IGSF21: variants seen among roughly 807,000 people sequenced by gnomAD.
IGSF21 encodes immunoglobulin superfamily member 21.
A neutral mutation model predicts 46.8 loss-of-function variants in IGSF21; 28 were observed. The ratio of observed to expected loss-of-function variants is 0.60; its 90% CI spans 0.44 to 0.82. The LOEUF (loss-of-function observed/expected upper bound fraction) is 0.82, where lower values mean the gene tolerates loss of function less well. Ranked by LOEUF, IGSF21 falls within the 40% of genes least tolerant of loss-of-function variation. The probability of loss-of-function intolerance (pLI) is 0.00; values close to 1 mark genes in which losing one functional copy is unlikely to be tolerated. For missense variants in IGSF21, 624 were observed against 665.5 expected (o/e 0.94, Z 0.69); for synonymous variants, 284 against 273.6 (o/e 1.04, Z -0.38).
intron 4 of IGSF21, among the ~76,000 whole-genome samples, chr1:18,352,457 G>A (rs1260908184): frequency 1.3e-5 from 2 of 152,158 alleles, no homozygotes; most frequent in Non-Finnish European, 1.5e-5. Flanking sequence ...AAGGATTTGC[G>A]TTTCTAATAA....
At position 18,229,202 on chromosome 1, in the gene IGSF21, G is replaced by T. The variant is rs138414222; in HGVS notation, c.183+1192G>T. ...ACAGTTAGGTGGAGCTGTTCTGGAGGAAGTGATGGAGCATGGAAGAGAGGG... is the reference window on the plus strand; with the variant it reads ...ACAGTTAGGTGGAGCTGTTCTGGAGTAAGTGATGGAGCATGGAAGAGAGGG... On this transcript the variant is annotated intron_variant, in intron 2 of 9. Coordinates refer to ENST00000251296, the MANE Select transcript of IGSF21 (RefSeq NM_032880.5). Among the ~76,000 whole-genome samples the T allele has an allele frequency of 1.7e-4, 26 of 152,218 alleles. No individual in the cohort carries two copies. In the East Asian group the frequency reaches 3.1e-3, roughly 18 times the overall value.
chr1:18,223,728 C>T (rs1452844911), intron 1 of IGSF21, among the ~76,000 whole-genome samples: 2 of 152,148 alleles, frequency 1.3e-5, no homozygotes, highest in Admixed American at 1.3e-4. Flanking sequence ...TACTCATGGT[C>T]GTGGCATCGT....
chr1:18,359,287 A>AC (rs35470466), intron 4 of IGSF21, among the ~76,000 whole-genome samples: 4 of 68,856 alleles, frequency 5.8e-5, no homozygotes, highest in East Asian at 3.7e-4. Context: ...CAAAAAACAC[A>AC]AAAAAAAAAG....
intron 3 of IGSF21, among the ~76,000 whole-genome samples, chr1:18,315,547 T>TGATGGATGGATGGATG (rs34398523): frequency 0.2 from 29,220 of 149,160 alleles, 3,138 homozygotes; most frequent in Non-Finnish European, 0.22. Context: ...AGTGGATGGA[T>TGATGGATGGATGGATG]GATGGATGGA....
At chr1:18,241,332 G>A in intron 2 of IGSF21, among the ~76,000 whole-genome samples, 1 of 152,132 alleles carries the variant, frequency 6.6e-6, no homozygotes, top group East Asian at 1.9e-4. Context: ...GCCCCTCGAG[G>A]CTCCTCTCCC....
Position 18,219,897 on chromosome 1 carries a change from C to A in IGSF21, c.71-8001C>A, listed in dbSNP as rs1249277397. Among the ~76,000 whole-genome samples the A allele has an allele frequency of 9.8e-5, 15 of 152,314 alleles. No individual in the cohort carries two copies. The South Asian group carries it at 2.7e-3, about 27-fold the overall frequency. ...TTGTGAGATAGCATGAAGAACCACA[C>A]CCTCATCTGCTGCAAGCTCCTTTGT... On this transcript the variant is annotated intron_variant, in intron 1 of 9. Transcript: ENST00000251296.
At chr1:18,205,119 G>A (rs2087112875) in intron 1 of IGSF21, among the ~76,000 whole-genome samples, 1 of 151,342 alleles carries the variant, frequency 6.6e-6, no homozygotes, top group African/African-American at 2.4e-5. Context: ...AGGAATGGGG[G>A]AGAGAAGAAA....
chr1:18,298,953 A>G (rs1384305551), intron 3 of IGSF21, among the ~76,000 whole-genome samples: 2 of 152,230 alleles, frequency 1.3e-5, no homozygotes, highest in Non-Finnish European at 2.9e-5. Context: ...TGGAATGAAA[A>G]GAGAGAAAGG....
rs35019096 is a variant in IGSF21 at position 18,367,603 on chromosome 1, C to CTTT, written c.1015+1926_1015+1928dup. 5.8e-3 allele frequency among the ~76,000 whole-genome samples: 427 copies of CTTT among 73,932 alleles called. 10 individuals carry two copies. Among genetic ancestry groups the CTTT allele is most frequent in the African/African-American group, 7.1e-3 (144 of 20,410 alleles). The allele number at this position is 73,932 out of a possible 152,430, so 48.5% of individuals were successfully genotyped here. A position where few individuals can be genotyped will look rare whatever the true frequency, so the allele number is the denominator to read the frequency against. On this transcript the variant is annotated intron_variant, in intron 6 of 9. Transcript: ENST00000251296. Reference sequence around the variant, plus strand: ...GACCTTTGATATTCTCTCTCTCTCTCTTTTTTTTTTTTTTTTTTTTTTGAC... The same window carrying CTTT: ...GACCTTTGATATTCTCTCTCTCTCTCTTTTTTTTTTTTTTTTTTTTTTTTTGAC...
At chr1:18,114,222 TC>T (rs2086166820) in intron 1 of IGSF21, 1 of 152,118 alleles carries the variant, frequency 6.6e-6, no homozygotes, top group Non-Finnish European at 1.5e-5. Flanking sequence ...CTCAAGTTGT[TC>T]CCCGCTAGTA....
intron 2 of IGSF21, among the ~76,000 whole-genome samples, chr1:18,236,854 G>T (rs1191207756): frequency 6.6e-6 from 1 of 152,192 alleles, no homozygotes; most frequent in Non-Finnish European, 1.5e-5. Context: ...CATGAACTTG[G>T]TAACATATGG....
At chr1:18,270,054 C>T (rs541569470) in intron 2 of IGSF21, among the ~76,000 whole-genome samples, 169 of 152,304 alleles carry the variant, frequency 1.1e-3, no homozygotes, top group African/African-American at 4.0e-3. Context: ...TTCTCAAGGA[C>T]CCCGGGCCCC....
At chr1:18,212,274 C>T (rs961404749) in intron 1 of IGSF21, among the ~76,000 whole-genome samples, 4 of 152,212 alleles carry the variant, frequency 2.6e-5, no homozygotes, top group African/African-American at 7.2e-5. Context: ...AGAACAGTGG[C>T]GTGACTTATT....
chr1:18,165,378 A>G (rs1405354442), intron 1 of IGSF21, among the ~76,000 whole-genome samples: 2 of 152,060 alleles, frequency 1.3e-5, no homozygotes, highest in Non-Finnish European at 2.9e-5. Context: ...TGTGCATGGC[A>G]ATTTCTGGTG....
intron 1 of IGSF21, among the ~76,000 whole-genome samples, chr1:18,132,359 C>T (rs994196319): frequency 6.6e-6 from 1 of 152,204 alleles, no homozygotes; most frequent in African/African-American, 2.4e-5. Flanking sequence ...TAGGGCCCTG[C>T]CTGACTCATT....
chr1:18,116,340 G>A (rs1216313305), intron 1 of IGSF21, among the ~76,000 whole-genome samples: 1 of 152,148 alleles, frequency 6.6e-6, no homozygotes, highest in Non-Finnish European at 1.5e-5. Flanking sequence ...TGCGGTTAAT[G>A]TGCTTTGGTT....
intron 6 of IGSF21, among the ~76,000 whole-genome samples, chr1:18,372,572 G>A (rs867693208): frequency 6.6e-6 from 1 of 151,036 alleles, no homozygotes; most frequent in South Asian, 2.1e-4. Flanking sequence ...ATGGATGGAT[G>A]GATATTTGGA....
At chr1:18,239,101 A>G (rs2084700562) in intron 2 of IGSF21, among the ~76,000 whole-genome samples, 1 of 152,150 alleles carries the variant, frequency 6.6e-6, no homozygotes, top group Admixed American at 6.5e-5. Flanking sequence ...CTCCGAGCAC[A>G]TGGAATCCGG....
intron 4 of IGSF21, among the ~76,000 whole-genome samples, chr1:18,355,921 C>T (rs765661589): frequency 6.6e-6 from 1 of 150,776 alleles, no homozygotes. Context: ...CTGCAACCTC[C>T]GCCTTCCGGG....
Sources: gnomAD v4.1 joint callset for allele counts (sites outside exome capture counted in the v4.1 genomes callset) on GRCh38, gnomAD v4.1.1 for gene constraint, MANE v1.5 for transcripts, NCBI Gene and HGNC (gene_info 2026-07-23, HGNC 2026-07-21) for gene names.